CARMIL1: variants seen among roughly 807,000 people sequenced by gnomAD.
The protein encoded by CARMIL1 is capping protein regulator and myosin 1 linker 1, also known as F-actin-uncapping protein LRRC16A.
CARMIL1 carries 90 observed loss-of-function variants against 177.1 expected under a neutral mutation model. The ratio of observed to expected loss-of-function variants is 0.51; its 90% CI spans 0.43 to 0.61. The LOEUF is 0.61. Among genes scored for constraint, CARMIL1 ranks in the 20% least tolerant of loss-of-function variants. The probability of loss-of-function intolerance (pLI) is 0.00; values close to 1 mark genes in which losing one functional copy is unlikely to be tolerated. For synonymous variants in CARMIL1, 577 were observed against 606.2 expected (o/e 0.95, Z 0.71); for missense variants, 1,380 against 1,667.0 (o/e 0.83, Z 3.00).
chr6:25,458,943 C>CT (rs1799767355), intron 8 of CARMIL1, among the ~76,000 whole-genome samples: 2 of 151,616 alleles, frequency 1.3e-5, no homozygotes, highest in Non-Finnish European at 2.9e-5. Flanking sequence ...AAAGGTCTTC[C>CT]TTTTTTTTAA....
rs1581422883 is a variant in CARMIL1 at position 25,279,550 on chromosome 6, C to T, written c.-246C>T. The stretch of plus-strand genomic sequence containing the variant: ...ATCCGGTCCGCTCCTTATTCAGCCG[C>T]CGGGAACTGCGAGGAGGCGTCATGT... On this transcript the variant is annotated 5_prime_UTR_variant, in exon 1 of 37. Transcript: ENST00000329474. 1 of 572,334 alleles carries T rather than the reference C, an allele frequency of 1.7e-6. No homozygotes were observed. Among genetic ancestry groups the T allele is most frequent in the Middle Eastern group, 4.7e-4 (1 of 2,146 alleles). The allele number at this position is 572,334 out of a possible 1,614,324, so 35.5% of individuals were successfully genotyped here.
chr6:25,486,235 A>G (rs1361350941), intron 12 of CARMIL1, among the ~76,000 whole-genome samples: 2 of 151,654 alleles, frequency 1.3e-5, no homozygotes, highest in African/African-American at 2.4e-5. Context: ...ATAATTCTCC[A>G]CTCTTCGTGG....
intron 2 of CARMIL1, among the ~76,000 whole-genome samples, chr6:25,341,542 G>T (rs1300225428): frequency 6.6e-6 from 1 of 152,194 alleles, no homozygotes; most frequent in Non-Finnish European, 1.5e-5. Flanking sequence ...AGGCCAACAT[G>T]GTGAAACACA....
intron 29 of CARMIL1, among the ~76,000 whole-genome samples, chr6:25,570,053 C>T (rs1811934528): frequency 6.6e-6 from 1 of 152,140 alleles, no homozygotes; most frequent in Admixed American, 6.5e-5. Context: ...CAAGCTCCGC[C>T]TCCCGAGTTC....
chr6:25,470,132 T>A (rs1390066724), intron 9 of CARMIL1, among the ~76,000 whole-genome samples: 1 of 152,230 alleles, frequency 6.6e-6, no homozygotes, highest in Non-Finnish European at 1.5e-5. Context: ...TTTATTAACA[T>A]GAGACAATTA....
chr6:25,317,524 T>G lies in CARMIL1; in HGVS notation c.138+32615T>G, dbSNP rs76426173. 2.1e-3 allele frequency among the ~76,000 whole-genome samples: 312 copies of G among 151,158 alleles called. 1 individual carries two copies. The highest frequency in any genetic ancestry group is 3.7e-3 in the Non-Finnish European group (251 of 67,910). ...CCAGGAAATTCCTAAGCTTTTTTTTTTTTAAACTATATGTTGGAAGCTTTC... is the reference window on the plus strand; with the variant it reads ...CCAGGAAATTCCTAAGCTTTTTTTTGTTTAAACTATATGTTGGAAGCTTTC... On this transcript the variant is annotated intron_variant, in intron 2 of 36. Transcript: ENST00000329474.
intron 11 of CARMIL1, among the ~76,000 whole-genome samples, chr6:25,472,926 G>T (rs1400446438): frequency 1.3e-5 from 2 of 152,110 alleles, no homozygotes; most frequent in Non-Finnish European, 2.9e-5. Context: ...TGTCAGCAAG[G>T]GTTGTGCTCT....
intron 32 of CARMIL1, among the ~76,000 whole-genome samples, chr6:25,594,985 G>A (rs927037145): frequency 1.3e-5 from 2 of 152,068 alleles, no homozygotes; most frequent in African/African-American, 4.8e-5. Flanking sequence ...TTGGGTTGGG[G>A]GGCTAAGTCA....
At position 25,345,039 on chromosome 6, in the gene CARMIL1, C is replaced by A. The variant is rs770625036; in HGVS notation, c.138+60130C>A. Among the ~76,000 whole-genome samples the A allele has an allele frequency of 2.6e-5, 4 of 152,174 alleles. No individual in the cohort carries two copies. In the South Asian group the frequency reaches 6.2e-4, roughly 24 times the overall value. ...CATCTGTATGCATTAGGTCTAACATCTCCCCTCCCATTCTATCCTGAGCCC... is the reference window on the plus strand; with the variant it reads ...CATCTGTATGCATTAGGTCTAACATATCCCCTCCCATTCTATCCTGAGCCC... On this transcript the variant is annotated intron_variant, in intron 2 of 36. Transcript: ENST00000329474.
chr6:25,581,124 GA>G lies in CARMIL1; in HGVS notation c.2810-117del, dbSNP rs1329457616. On this transcript the variant is annotated intron_variant, in intron 30 of 36. Transcript: ENST00000329474. The stretch of plus-strand genomic sequence containing the variant: ...ATTGAGAAAGAGTTCAGTGATCTGT[GA>G]ATGTGTGTTTGCTATTCTATGCTAG... 10 of 1,263,724 alleles carry G rather than the reference GA, an allele frequency of 7.9e-6. No homozygotes were observed. The Admixed American group carries it at 2.2e-4, about 28-fold the overall frequency. The allele number at this position is 1,263,724 out of a possible 1,614,324, so 78.3% of individuals were successfully genotyped here.
chr6:25,502,274 A>C (rs547016667), intron 17 of CARMIL1, among the ~76,000 whole-genome samples: 10 of 151,880 alleles, frequency 6.6e-5, no homozygotes, highest in South Asian at 2.1e-4. Context: ...CAAAAAAAAA[A>C]CACCAGGCTG....
At chr6:25,494,991 A>G (rs926772865) in intron 15 of CARMIL1, 120 bp from the exon 16 acceptor site, 4 of 609,396 alleles carry the variant, frequency 6.6e-6, no homozygotes, top group South Asian at 2.3e-5. Context: ...ATTTGTTTCC[A>G]TTTACTTTTA....
chr6:25,300,147 TAC>T (rs758660067), intron 2 of CARMIL1, among the ~76,000 whole-genome samples: 3 of 143,826 alleles, frequency 2.1e-5, no homozygotes, highest in Non-Finnish European at 4.8e-5. Context: ...TCTCGAAATT[TAC>T]AGTTTTATGA....
At chr6:25,325,287 A>G (rs1561985968) in intron 2 of CARMIL1, among the ~76,000 whole-genome samples, 2 of 152,228 alleles carry the variant, frequency 1.3e-5, no homozygotes, top group African/African-American at 4.8e-5. Context: ...TGTATATTCT[A>G]TGAAAGGGTG....
At chr6:25,507,411 T>G (rs35033684) in intron 17 of CARMIL1, 32,534 of 152,512 alleles carry the variant, frequency 0.21, 3,790 homozygotes, top group Non-Finnish European at 0.24. Context: ...AACTTTAGCT[T>G]CTTCTTTATT....
chr6:25,474,868 A>T (rs1268158992), intron 11 of CARMIL1, among the ~76,000 whole-genome samples: 1 of 152,196 alleles, frequency 6.6e-6, no homozygotes, highest in African/African-American at 2.4e-5. Flanking sequence ...AGAGGGAGGT[A>T]GTTGTTTGAG....
chr6:25,345,391 T>C (rs1787401984), intron 2 of CARMIL1, among the ~76,000 whole-genome samples: 1 of 152,190 alleles, frequency 6.6e-6, no homozygotes, highest in Non-Finnish European at 1.5e-5. Context: ...AAATATCACC[T>C]GTAAGATGAC....
At chr6:25,312,917 A>AC (rs55806424) in intron 2 of CARMIL1, among the ~76,000 whole-genome samples, 1 of 150,390 alleles carries the variant, frequency 6.6e-6, no homozygotes, top group Non-Finnish European at 1.5e-5. Flanking sequence ...AAAAAAAAAA[A>AC]AAAAAAAAAA....
chr6:25,384,437 G>A (rs148981460), intron 2 of CARMIL1, among the ~76,000 whole-genome samples: 10 of 152,290 alleles, frequency 6.6e-5, no homozygotes, highest in South Asian at 4.1e-4. Flanking sequence ...TATCAGCCAC[G>A]TGTACAATAG....
Sources: allele counts gnomAD v4.1 joint callset (sites outside exome capture counted in the v4.1 genomes callset), GRCh38; gene constraint gnomAD v4.1.1; transcripts MANE v1.5; gene names NCBI Gene and HGNC (gene_info 2026-07-23, HGNC 2026-07-21).